KCNJ6: variants seen among roughly 807,000 people sequenced by gnomAD.
KCNJ6 encodes the protein G protein-activated inward rectifier potassium channel 2.
Under a neutral mutation model 34.2 loss-of-function variants are expected in KCNJ6, and 9 were observed. That is an observed-to-expected ratio of 0.26 (90% CI 0.16 to 0.46). The LOEUF (loss-of-function observed/expected upper bound fraction) is 0.46. Ranked by LOEUF, KCNJ6 falls within the 20% of genes least tolerant of loss-of-function variation. KCNJ6 has a pLI of 1.00. For missense variants in KCNJ6, 236 were observed against 531.3 expected, an observed-to-expected ratio of 0.44 and a Z score of 5.46; for synonymous variants, 196 against 207.1, an observed-to-expected ratio of 0.95 and a Z score of 0.46.
chr21:37,677,913 C>A (rs1272965515), intron 3 of KCNJ6, among the ~76,000 whole-genome samples: 2 of 149,438 alleles, frequency 1.3e-5, no homozygotes, highest in Non-Finnish European at 3.0e-5. Context: ...AGCCAACAAT[C>A]CATTCATCCA....
In KCNJ6 at chr21:37,899,516, A is replaced by G. The variant is rs79866409; in HGVS notation, c.-28+16368T>C. 5.8e-3 allele frequency among the ~76,000 whole-genome samples: 876 copies of G among 152,274 alleles called. 36 individuals are homozygous for G. The South Asian group carries it at 0.088, about 15-fold the overall frequency. On this transcript the variant is annotated intron_variant, in intron 1 of 3. Transcript: ENST00000609713. ...TAACAGCATTTCAAGAAGCTAATAC[A>G]CTACCACACTTTTGCTGACACTCTT...
intron 2 of KCNJ6, among the ~76,000 whole-genome samples, chr21:37,819,466 C>T (rs1232677294): frequency 6.6e-6 from 1 of 151,986 alleles, no homozygotes; most frequent in Non-Finnish European, 1.5e-5. Flanking sequence ...ATTGAAATTC[C>T]ATCTGACAAA....
Position 37,616,247 on chromosome 21 carries a change from A to G in KCNJ6, c.*8912T>C, listed in dbSNP as rs1435764945. The G allele has an allele frequency of 6.6e-6, 1 of 152,198 alleles. No homozygotes were observed. Among genetic ancestry groups the G allele is most frequent in the Admixed American group, 6.5e-5 (1 of 15,284 alleles). The allele number at this position is 152,198 out of a possible 1,614,324, so 9.4% of individuals were successfully genotyped here. A position where few individuals can be genotyped will look rare whatever the true frequency, so the allele number is the denominator to read the frequency against. ...TCCCCAGAGTACAGTCTGTGCAGACAGTGGGAAAGGAAAGAGCACTTTGCC... is the reference window on the plus strand; with the variant it reads ...TCCCCAGAGTACAGTCTGTGCAGACGGTGGGAAAGGAAAGAGCACTTTGCC... On this transcript the variant is annotated 3_prime_UTR_variant, in exon 4 of 4. Coordinates refer to ENST00000609713, the MANE Select transcript of KCNJ6 (RefSeq NM_002240.5).
At chr21:37,727,104 G>A (rs970834935) in intron 2 of KCNJ6, among the ~76,000 whole-genome samples, 2 of 152,178 alleles carry the variant, frequency 1.3e-5, no homozygotes, top group African/African-American at 4.8e-5. Context: ...TCAAGCCAAG[G>A]AACACCCGGA....
At chr21:37,726,576 A>G (rs534920807) in intron 2 of KCNJ6, among the ~76,000 whole-genome samples, 1 of 152,318 alleles carries the variant, frequency 6.6e-6, no homozygotes, top group East Asian at 1.9e-4. Context: ...GCCATCTTAC[A>G]GTAATGTGTG....
At chr21:37,655,232 A>T (rs1289255624) in intron 3 of KCNJ6, among the ~76,000 whole-genome samples, 265 of 2,406 alleles carry the variant, frequency 0.11, 5 homozygotes, top group African/African-American at 0.25. Context: ...TGTGAGAGAG[A>T]GAGAGAGAGA....
intron 2 of KCNJ6, among the ~76,000 whole-genome samples, chr21:37,741,501 G>T (rs1431747287): frequency 6.6e-6 from 1 of 152,156 alleles, no homozygotes; most frequent in Non-Finnish European, 1.5e-5. Context: ...AGCTCTGTCT[G>T]GTTTCCTCCC....
chr21:37,900,885 T>C (rs1197890033), intron 1 of KCNJ6, among the ~76,000 whole-genome samples: 3 of 152,050 alleles, frequency 2.0e-5, no homozygotes, highest in East Asian at 1.9e-4. Flanking sequence ...TGGAGAGAAG[T>C]TGATGATGAA....
At chr21:37,648,414 A>G (rs921256593) in intron 3 of KCNJ6, among the ~76,000 whole-genome samples, 2 of 152,186 alleles carry the variant, frequency 1.3e-5, no homozygotes, top group African/African-American at 4.8e-5. Context: ...CCTCTGGGGA[A>G]TGCTACTGGC....
intron 2 of KCNJ6, among the ~76,000 whole-genome samples, chr21:37,813,946 A>T (rs1033993572): frequency 1.4e-5 from 2 of 144,278 alleles, no homozygotes; most frequent in Non-Finnish European, 3.1e-5. Context: ...TGAAGGAAAC[A>T]ATCAACAAAG....
In KCNJ6 at chr21:37,620,986, G is replaced by A. The variant is rs969402355; in HGVS notation, c.*4173C>T. ...AAAGGCTAACATTTTCTTAGATACC[G>A]GTTGGCCATAAAGTTCAGAAACAAG... On this transcript the variant is annotated 3_prime_UTR_variant, in exon 4 of 4. Coordinates refer to ENST00000609713, the MANE Select transcript of KCNJ6 (RefSeq NM_002240.5). 6.6e-6 allele frequency: 1 copy of A among 152,102 alleles called. No homozygotes were observed. The highest frequency in any genetic ancestry group is 1.5e-5 in the Non-Finnish European group (1 of 68,002). The allele number at this position is 152,102 out of a possible 1,614,324, so 9.4% of individuals were successfully genotyped here. A position where few individuals can be genotyped will look rare whatever the true frequency, so the allele number is the denominator to read the frequency against.
intron 2 of KCNJ6, among the ~76,000 whole-genome samples, chr21:37,801,942 T>A (rs1047997257): frequency 6.6e-6 from 1 of 152,204 alleles, no homozygotes; most frequent in Admixed American, 6.5e-5. Flanking sequence ...AGTGGGTTGA[T>A]AAAGTAGTAG....
intron 1 of KCNJ6, among the ~76,000 whole-genome samples, chr21:37,905,085 G>A (rs2055835132): frequency 6.6e-6 from 1 of 152,178 alleles, no homozygotes. Context: ...TGGTGTGAGA[G>A]CTTTCTTTGG....
chr21:37,827,541 C>T (rs1421069565), intron 2 of KCNJ6, among the ~76,000 whole-genome samples: 3 of 150,444 alleles, frequency 2.0e-5, no homozygotes, highest in Non-Finnish European at 1.5e-5. Context: ...TTTTTAACCT[C>T]GAGTCTTTAA....
At chr21:37,893,490 G>A (rs1167535895) in intron 1 of KCNJ6, among the ~76,000 whole-genome samples, 2 of 152,212 alleles carry the variant, frequency 1.3e-5, no homozygotes, top group East Asian at 3.9e-4. Context: ...ACAGGTGTGA[G>A]CCACCGTGCC....
Position 37,906,544 on chromosome 21 carries a change from G to A in KCNJ6, c.-28+9340C>T, listed in dbSNP as rs111941354. On this transcript the variant is annotated intron_variant, in intron 1 of 3. Coordinates refer to ENST00000609713, the MANE Select transcript of KCNJ6 (RefSeq NM_002240.5). Reference sequence around the variant, plus strand: ...CTCAGGGTTCCTGATCCAGTAGATCGGGGGGTGAGCTTGAGAATTTGCATT... The same window carrying A: ...CTCAGGGTTCCTGATCCAGTAGATCAGGGGGTGAGCTTGAGAATTTGCATT... Among the ~76,000 whole-genome samples the A allele has an allele frequency of 9.5e-3, 1,449 of 152,304 alleles. 30 individuals are homozygous for A. Among genetic ancestry groups the A allele is most frequent in the African/African-American group, 0.032 (1,345 of 41,572 alleles).
At chr21:37,852,897 G>A (rs368916327) in intron 1 of KCNJ6, among the ~76,000 whole-genome samples, 3 of 152,118 alleles carry the variant, frequency 2.0e-5, no homozygotes, top group East Asian at 1.9e-4. Flanking sequence ...AAACTCAATC[G>A]ATGGGCTGAA....
Position 37,607,482 on chromosome 21 carries a change from A to ATATATATATATATATATATTTTTT in KCNJ6, c.*17676_*17677insAAAAAATATATATATATATATATA. On this transcript the variant is annotated 3_prime_UTR_variant, in exon 4 of 4. Transcript: ENST00000609713. ...CTTAAAGATATATATATATATATAT[A>ATATATATATATATATATATTTTTT]TTTTTTTTTTATTTTAAAAAAATTT... The ATATATATATATATATATATTTTTT allele has an allele frequency of 5.1e-5, 7 of 136,754 alleles. No homozygotes were observed. Among genetic ancestry groups the ATATATATATATATATATATTTTTT allele is most frequent in the Non-Finnish European group, 7.7e-5 (5 of 64,776 alleles). The allele number at this position is 136,754 out of a possible 1,614,324, so 8.5% of individuals were successfully genotyped here. A position where few individuals can be genotyped will look rare whatever the true frequency, so the allele number is the denominator to read the frequency against.
At chr21:37,795,872 C>G (rs2055239384) in intron 2 of KCNJ6, among the ~76,000 whole-genome samples, 1 of 152,062 alleles carries the variant, frequency 6.6e-6, no homozygotes, top group Non-Finnish European at 1.5e-5. Flanking sequence ...TTTTATTATG[C>G]CCATCTTACA....
Sources: allele counts gnomAD v4.1 joint callset (sites outside exome capture counted in the v4.1 genomes callset), GRCh38; gene constraint gnomAD v4.1.1; transcripts MANE v1.5; gene names NCBI Gene and HGNC (gene_info 2026-07-23, HGNC 2026-07-21).